AGBL3: variants seen among roughly 807,000 people sequenced by gnomAD.
AGBL3 encodes the protein cytosolic carboxypeptidase 3.
In AGBL3, 68 loss-of-function variants were observed where a neutral mutation model predicts 94.5. That is an observed-to-expected ratio of 0.72 (90% CI 0.59 to 0.88). The LOEUF is 0.88. AGBL3 is among the 40% of genes least tolerant of loss of function. The probability of loss-of-function intolerance (pLI) is 0.00; values close to 1 mark genes in which losing one functional copy is unlikely to be tolerated. For missense variants in AGBL3, 934 were observed against 1,103.8 expected, an observed-to-expected ratio of 0.85 and a Z score of 2.18; for synonymous variants, 354 against 370.7, an observed-to-expected ratio of 0.95 and a Z score of 0.52.
At position 135,099,968 on chromosome 7, in the gene AGBL3, A is replaced by T. The variant is rs528004856; in HGVS notation, c.2111-15412A>T. The T allele has an allele frequency of 2.1e-5, 3 of 141,960 alleles. No homozygotes were observed. The South Asian group carries it at 6.8e-4, about 32-fold the overall frequency. The allele number at this position is 141,960 out of a possible 1,614,324, so 8.8% of individuals were successfully genotyped here. A position where few individuals can be genotyped will look rare whatever the true frequency, so the allele number is the denominator to read the frequency against. ...AGTGGCATGATCTCAGCTCACTGCAAGCTCCGCCTCCCAGGTTCACGCCAT... is the reference window on the plus strand; with the variant it reads ...AGTGGCATGATCTCAGCTCACTGCATGCTCCGCCTCCCAGGTTCACGCCAT... On this transcript the variant is annotated intron_variant, in intron 15 of 16. Coordinates refer to ENST00000436302, the MANE Select transcript of AGBL3 (RefSeq NM_178563.4).
Position 135,130,423 on chromosome 7 carries a change from A to T in AGBL3, c.2343-4418A>T, listed in dbSNP as rs1052757737. On this transcript the variant is annotated intron_variant, in intron 16 of 16. Coordinates refer to ENST00000436302, the MANE Select transcript of AGBL3 (RefSeq NM_178563.4). ...ACTGGCTCAGAAGAATTTAAGTTCT[A>T]TTCAACTTTCCTGGGTGTTAGAGCC... is the stretch of plus-strand genomic sequence containing the variant. 1.2e-4 allele frequency among the ~76,000 whole-genome samples: 19 copies of T among 152,136 alleles called. 1 individual carries two copies. Among genetic ancestry groups the T allele is most frequent in the African/African-American group, 4.6e-4 (19 of 41,416 alleles).
At chr7:135,123,007 T>C (rs1484768819) in intron 16 of AGBL3, among the ~76,000 whole-genome samples, 1 of 152,192 alleles carries the variant, frequency 6.6e-6, no homozygotes, top group East Asian at 1.9e-4. Flanking sequence ...GATCGCAATG[T>C]ATCTCCAGCA....
chr7:135,096,887 C>CA (rs1364341403), intron 15 of AGBL3, among the ~76,000 whole-genome samples: 3 of 151,810 alleles, frequency 2.0e-5, no homozygotes, highest in Admixed American at 6.6e-5. Context: ...GAGCATATGA[C>CA]AAAATATGCA....
intron 12 of AGBL3, among the ~76,000 whole-genome samples, chr7:135,075,849 C>T (rs979549530): frequency 6.6e-6 from 1 of 152,190 alleles, no homozygotes; most frequent in African/African-American, 2.4e-5. Context: ...TATCTTTTCA[C>T]ATGCTTATTT....
chr7:135,026,248 T>TTTTATTTTATTTATTTTA (rs1815098812), intron 5 of AGBL3, among the ~76,000 whole-genome samples: 2 of 113,722 alleles, frequency 1.8e-5, no homozygotes, highest in South Asian at 2.8e-4. Flanking sequence ...AATACCATTA[T>TTTTATTTTATTTATTTTA]TTTATTTTAT....
At position 135,045,502 on chromosome 7, in the gene AGBL3, G is replaced by A. The variant is rs200053287; in HGVS notation, c.1656G>A (p.Thr552=). ...ACAAACGAGGCACTCATTTCAGCAC[G>A]AAAGACCTGGAATCAATGGGATATC... ...LGNKRGTHFS[T]KDLESMGYHF... The change falls in exon 10 of 17, where the codon ACG becomes ACA. Residue 552 remains threonine (T), a synonymous_variant. Coordinates refer to ENST00000436302, the MANE Select transcript of AGBL3 (RefSeq NM_178563.4). 2.9e-5 allele frequency: 45 copies of A among 1,551,122 alleles called. No individual in the cohort carries two copies. The highest frequency in any genetic ancestry group is 2.4e-4 in the South Asian group (20 of 84,034).
chr7:135,097,309 A>G (rs1266565886), intron 15 of AGBL3, among the ~76,000 whole-genome samples: 1 of 152,200 alleles, frequency 6.6e-6, no homozygotes, highest in Non-Finnish European at 1.5e-5. Flanking sequence ...CAGTGTATCA[A>G]GTGATACACT....
intron 15 of AGBL3, chr7:135,093,121 T>C (rs1822105326): frequency 6.6e-6 from 1 of 151,244 alleles, no homozygotes; most frequent in African/African-American, 2.4e-5. Context: ...CCCTGAGACC[T>C]GGAACAAGAC....
At chr7:135,120,273 T>C (rs1826959025) in intron 16 of AGBL3, among the ~76,000 whole-genome samples, 1 of 152,222 alleles carries the variant, frequency 6.6e-6, no homozygotes, top group African/African-American at 2.4e-5. Flanking sequence ...AATTATAATA[T>C]TGATGTGGTT....
intron 12 of AGBL3, among the ~76,000 whole-genome samples, chr7:135,070,482 T>C (rs1244093667): frequency 1.3e-5 from 2 of 152,118 alleles, no homozygotes; most frequent in African/African-American, 2.4e-5. Context: ...CTCAATAAAA[T>C]ACTGGCAAAC....
chr7:135,008,214 C>T (rs1283474888), intron 4 of AGBL3, among the ~76,000 whole-genome samples: 2 of 151,968 alleles, frequency 1.3e-5, no homozygotes, highest in South Asian at 2.1e-4. Flanking sequence ...TATTTGAGAG[C>T]TCACAATTTC....
intron 16 of AGBL3, among the ~76,000 whole-genome samples, chr7:135,117,616 C>T (rs1826511940): frequency 6.6e-6 from 1 of 152,122 alleles, no homozygotes. Context: ...AGAAGGTAGC[C>T]ATAAAGAACT....
At chr7:135,077,660 A>G (rs900686810) in intron 13 of AGBL3, among the ~76,000 whole-genome samples, 1 of 152,190 alleles carries the variant, frequency 6.6e-6, no homozygotes, top group African/African-American at 2.4e-5. Flanking sequence ...ACAGGTCTGC[A>G]GCAACATCAA....
chr7:135,133,071 A>G (rs1222663296), intron 16 of AGBL3, among the ~76,000 whole-genome samples: 4 of 37,476 alleles, frequency 1.1e-4, no homozygotes, highest in Non-Finnish European at 2.8e-4. Flanking sequence ...ATGCGTGCAC[A>G]CACACACACA....
intron 16 of AGBL3, among the ~76,000 whole-genome samples, chr7:135,128,291 C>CAAAAAAAAA (rs61217008): frequency 1.7e-5 from 1 of 58,074 alleles, no homozygotes; most frequent in African/African-American, 8.1e-5. Flanking sequence ...GACTCCATCT[C>CAAAAAAAAA]AAAAAAAAAA....
chr7:135,131,306 C>T (rs940968415), intron 16 of AGBL3, among the ~76,000 whole-genome samples: 1 of 151,844 alleles, frequency 6.6e-6, no homozygotes, highest in Non-Finnish European at 1.5e-5. Flanking sequence ...CACACCAGGG[C>T]CTGTTGCGGG....
intron 12 of AGBL3, among the ~76,000 whole-genome samples, chr7:135,067,041 T>G (rs1401253098): frequency 2.0e-5 from 3 of 152,140 alleles, no homozygotes; most frequent in Non-Finnish European, 4.4e-5. Flanking sequence ...CCCACCCTAA[T>G]ACTGCGCTCT....
intron 4 of AGBL3, among the ~76,000 whole-genome samples, chr7:135,009,129 G>T (rs1474371284): frequency 1.3e-5 from 2 of 152,150 alleles, no homozygotes; most frequent in African/African-American, 4.8e-5. Flanking sequence ...TTGTAGGTAT[G>T]TACCCAAGAG....
At chr7:135,116,164 C>G (rs1475509627) in intron 16 of AGBL3, among the ~76,000 whole-genome samples, 1 of 152,142 alleles carries the variant, frequency 6.6e-6, no homozygotes, top group East Asian at 1.9e-4. Context: ...GTGCTACACA[C>G]CGTTCTAAGT....
Sources: allele counts gnomAD v4.1 joint callset (sites outside exome capture counted in the v4.1 genomes callset), GRCh38; gene constraint gnomAD v4.1.1; transcripts MANE v1.5; gene names NCBI Gene and HGNC (gene_info 2026-07-23, HGNC 2026-07-21).